The following RAP1A variants were observed in gnomAD, a reference collection of about 807,000 sequenced individuals.
RAP1A encodes RAP1A, member of RAS oncogene family.
RAP1A carries 6 observed loss-of-function variants against 26.4 expected under a neutral mutation model. The observed-to-expected ratio is 0.23, with a 90% CI of 0.12 to 0.45. The LOEUF (loss-of-function observed/expected upper bound fraction) is 0.45, where lower values mean the gene tolerates loss of function less well. RAP1A is among the 20% of genes least tolerant of loss of function. The pLI is 0.99. For missense variants in RAP1A, 121 were observed against 217.2 expected (o/e 0.56, Z 2.78); for synonymous variants, 73 against 79.4 (o/e 0.92, Z 0.43).
chr1:111,648,918 A>G, intron 1 of RAP1A: 1 of 755,382 alleles, frequency 1.3e-6, no homozygotes, highest in Non-Finnish European at 2.4e-6. Context: ...TAGGCCTTTT[A>G]CTTCCCCTTT....
chr1:111,630,523 G>A (rs1173952642), intron 1 of RAP1A, among the ~76,000 whole-genome samples: 1 of 152,150 alleles, frequency 6.6e-6, no homozygotes, highest in Admixed American at 6.5e-5. Context: ...AAGTAAATAA[G>A]ATAATTTCAG....
intron 1 of RAP1A, among the ~76,000 whole-genome samples, chr1:111,547,561 G>C (rs892131438): frequency 1.3e-5 from 2 of 152,116 alleles, no homozygotes; most frequent in Non-Finnish European, 2.9e-5. Flanking sequence ...GATGATACTA[G>C]CCACTTAGTT....
Position 111,545,606 on chromosome 1 carries a change from G to A in RAP1A, c.-28+3097G>A, listed in dbSNP as rs74544664. Among the ~76,000 whole-genome samples the A allele has an allele frequency of 7.2e-3, 1,097 of 152,122 alleles. 14 individuals are homozygous for A. Among genetic ancestry groups the A allele is most frequent in the African/African-American group, 0.025 (1,056 of 41,522 alleles). Reference sequence around the variant, plus strand: ...TACTTTCTTGCTAGTGCCCTTTGGTGCACTAAAGTTTTTAATTTTGATGAA... The same window carrying A: ...TACTTTCTTGCTAGTGCCCTTTGGTACACTAAAGTTTTTAATTTTGATGAA... On this transcript the variant is annotated intron_variant, in intron 1 of 7. Transcript: ENST00000356415.
intron 1 of RAP1A, among the ~76,000 whole-genome samples, chr1:111,589,811 CTGAACTAGAAGTTCACT>C (rs929320525): frequency 3.9e-5 from 6 of 152,226 alleles, no homozygotes; most frequent in African/African-American, 1.2e-4. Flanking sequence ...TCCTAGTTCA[CTGAACTAGAAGTTCACT>C]TGAACTAGAT....
At chr1:111,622,190 C>G (rs1376646770) in intron 1 of RAP1A, among the ~76,000 whole-genome samples, 1 of 152,186 alleles carries the variant, frequency 6.6e-6, no homozygotes, top group Non-Finnish European at 1.5e-5. Context: ...TTGATTTCCA[C>G]ACAGCAGCTA....
intron 1 of RAP1A, among the ~76,000 whole-genome samples, chr1:111,626,261 T>G (rs1291762982): frequency 6.6e-6 from 1 of 152,184 alleles, no homozygotes; most frequent in South Asian, 2.1e-4. Flanking sequence ...ACCAAATCAG[T>G]TTCCCAGTTG....
chr1:111,625,852 C>T (rs1189879488), intron 1 of RAP1A, among the ~76,000 whole-genome samples: 5 of 152,030 alleles, frequency 3.3e-5, no homozygotes, highest in Admixed American at 6.6e-5. Context: ...ATATCACCCA[C>T]GCTGTTCTCC....
chr1:111,580,740 G>A (rs1000596045), intron 1 of RAP1A, among the ~76,000 whole-genome samples: 40 of 152,110 alleles, frequency 2.6e-4, no homozygotes, highest in African/African-American at 9.4e-4. Context: ...CCAGCTACTC[G>A]GGAGGCTGAG....
At chr1:111,691,493 TAGA>T in intron 2 of RAP1A, 76 bp downstream of exon 2, 1 of 1,343,374 alleles carries the variant, frequency 7.4e-7, no homozygotes, top group Non-Finnish European at 1.1e-6. Context: ...TTCAGACTTC[TAGA>T]TGCCAAAGAG....
chr1:111,543,030 A>T (rs1656901376), intron 1 of RAP1A, among the ~76,000 whole-genome samples: 1 of 152,206 alleles, frequency 6.6e-6, no homozygotes, highest in South Asian at 2.1e-4. Context: ...ATGAGAAACT[A>T]AAATCAAAAG....
chr1:111,592,895 A>G (rs1024324218), intron 1 of RAP1A, among the ~76,000 whole-genome samples: 3 of 152,100 alleles, frequency 2.0e-5, no homozygotes, highest in Non-Finnish European at 4.4e-5. Flanking sequence ...GTGGCTGAAG[A>G]GTAATGAACC....
intron 1 of RAP1A, among the ~76,000 whole-genome samples, chr1:111,580,866 A>AG (rs1231032722): frequency 2.8e-4 from 3 of 10,644 alleles, no homozygotes; most frequent in African/African-American, 3.1e-4. Context: ...AACAAAAAAC[A>AG]AAAAAAAAAC....
intron 1 of RAP1A, among the ~76,000 whole-genome samples, chr1:111,656,489 T>C (rs2101147828): frequency 6.6e-6 from 1 of 152,284 alleles, no homozygotes; most frequent in Non-Finnish European, 1.5e-5. Context: ...TCAAAAAAAT[T>C]GTCCATAATG....
chr1:111,712,296 A>G (rs1284915972), intron 7 of RAP1A, 135 bp from the exon 8 acceptor site: 1 of 152,276 alleles, frequency 6.6e-6, no homozygotes, highest in Non-Finnish European at 1.5e-5. Flanking sequence ...GCTGTTTAGC[A>G]TAATTTAGTT....
chr1:111,642,784 G>A (rs1212709536), intron 1 of RAP1A, among the ~76,000 whole-genome samples: 1 of 118,780 alleles, frequency 8.4e-6, no homozygotes, highest in Admixed American at 9.2e-5. Context: ...GCCGTGCCCA[G>A]CCTTTTTTTT....
intron 3 of RAP1A, among the ~76,000 whole-genome samples, chr1:111,697,198 G>A (rs758718608): frequency 6.6e-6 from 1 of 151,828 alleles, no homozygotes; most frequent in Non-Finnish European, 1.5e-5. Flanking sequence ...AATAAGAATC[G>A]TTACAGAGGT....
intron 1 of RAP1A, among the ~76,000 whole-genome samples, chr1:111,579,282 A>T (rs1426527995): frequency 2.0e-5 from 3 of 152,186 alleles, no homozygotes; most frequent in Non-Finnish European, 4.4e-5. Flanking sequence ...AAGTCACCTT[A>T]TTAGTATAAA....
At chr1:111,657,059 T>C (rs1660483890) in intron 1 of RAP1A, among the ~76,000 whole-genome samples, 1 of 152,100 alleles carries the variant, frequency 6.6e-6, no homozygotes, top group South Asian at 2.1e-4. Flanking sequence ...AATTTTTTAC[T>C]ACAATAGGTA....
intron 1 of RAP1A, among the ~76,000 whole-genome samples, chr1:111,567,237 G>C (rs544999625): frequency 1.3e-5 from 2 of 152,280 alleles, no homozygotes; most frequent in African/African-American, 4.8e-5. Context: ...GGTGCAGAGA[G>C]GAGGAGAACT....
Sources: allele counts gnomAD v4.1 joint callset (sites outside exome capture counted in the v4.1 genomes callset), GRCh38; gene constraint gnomAD v4.1.1; transcripts MANE v1.5; gene names NCBI Gene and HGNC (gene_info 2026-07-23, HGNC 2026-07-21).